ZFHX3: variants seen among roughly 807,000 people sequenced by gnomAD.
The protein encoded by ZFHX3 is zinc finger homeobox protein 3.
A neutral mutation model predicts 279.1 loss-of-function variants in ZFHX3; 42 were observed. The ratio of observed to expected loss-of-function variants is 0.15; its 90% CI spans 0.12 to 0.19. The LOEUF is 0.19. ZFHX3 is among the 10% of genes least tolerant of loss of function. The pLI, the probability that ZFHX3 is intolerant of heterozygous loss-of-function variation, is 1.00. For missense variants in ZFHX3, 4,981 were observed against 4,754.0 expected (o/e 1.05, Z -1.40); for synonymous variants, 2,293 against 1,957.8 (o/e 1.17, Z -4.52).
intron 5 of ZFHX3, among the ~76,000 whole-genome samples, chr16:73,235,379 G>A (rs1378366831): frequency 5.9e-5 from 9 of 152,104 alleles, no homozygotes; most frequent in Admixed American, 3.3e-4. Flanking sequence ...CACCATGCCC[G>A]GCCACTTTTT....
chr16:73,245,126 G>A (rs77093741), intron 5 of ZFHX3, among the ~76,000 whole-genome samples: 13,642 of 152,080 alleles, frequency 0.09, 983 homozygotes, highest in East Asian at 0.44. Context: ...AGAACCTTGC[G>A]CTTACATTTC....
At position 72,904,656 on chromosome 16, in the gene ZFHX3, C is replaced by G. The variant is rs76717981; in HGVS notation, c.3217-14694G>C. The stretch of plus-strand genomic sequence containing the variant: ...CAGTGCCTTTTCTTGCTGGGAAACC[C>G]TCCCAGATAACTCTGACCCATGCTG... On this transcript the variant is annotated intron_variant, in intron 3 of 9. Coordinates refer to ENST00000268489, the MANE Select transcript of ZFHX3 (RefSeq NM_006885.4). Among the ~76,000 whole-genome samples, 362 of 152,192 alleles carry G rather than the reference C, an allele frequency of 2.4e-3. 1 individual carries two copies. The highest frequency in any genetic ancestry group is 8.3e-3 in the African/African-American group (345 of 41,514).
At chr16:73,639,673 A>G (rs560053279) in intron 2 of ZFHX3, among the ~76,000 whole-genome samples, 1 of 152,326 alleles carries the variant, frequency 6.6e-6, no homozygotes, top group South Asian at 2.1e-4. Flanking sequence ...AAAGCCTCAT[A>G]GACTTCCAGT....
chr16:73,162,813 T>A (rs1967269810), intron 5 of ZFHX3, among the ~76,000 whole-genome samples: 1 of 152,150 alleles, frequency 6.6e-6, no homozygotes, highest in Non-Finnish European at 1.5e-5. Context: ...TAAATCTAAA[T>A]GAGAAACAAA....
rs759717414 is a variant in ZFHX3 at position 72,797,269 on chromosome 16, C to T, written c.5413G>A (p.Ala1805Thr). 15 of 1,611,716 alleles carry T rather than the reference C, an allele frequency of 9.3e-6. No individual in the cohort carries two copies. Among genetic ancestry groups the T allele is most frequent in the Non-Finnish European group, 1.3e-5 (15 of 1,178,626 alleles). ...ACCTCGGGGTTAAGCTGGAACTCAGCACTGGGGATGTAGAAAGGGAAGAGG... is the reference window on the plus strand; with the variant it reads ...ACCTCGGGGTTAAGCTGGAACTCAGTACTGGGGATGTAGAAAGGGAAGAGG... ...HLLFPFYIPS[A>T]EFQLNPEVSL... Residue 1805 changes from alanine to threonine, a missense_variant, in exon 9 of 10, where the codon GCT becomes ACT. Ala to Thr is a moderately conservative substitution (Grantham distance 58, BLOSUM62 0). Around this residue, in one of 7 missense-constraint regions of ZFHX3, gnomAD observed 1,751 missense variants for 1,770.0 expected, o/e 0.99. Transcript: ENST00000268489.
chr16:73,124,823 G>C (rs550859674), intron 7 of ZFHX3, among the ~76,000 whole-genome samples: 10 of 152,294 alleles, frequency 6.6e-5, no homozygotes, highest in African/African-American at 2.4e-4. Flanking sequence ...GGGTCAAGAG[G>C]GTTGCTTAAC....
intron 1 of ZFHX3, among the ~76,000 whole-genome samples, chr16:73,879,602 A>G (rs1322958318): frequency 1.3e-5 from 2 of 152,136 alleles, no homozygotes; most frequent in African/African-American, 4.8e-5. Flanking sequence ...GCAAGAAGGG[A>G]CTATCACTGT....
chr16:73,651,406 G>T (rs1349644839), intron 2 of ZFHX3, among the ~76,000 whole-genome samples: 1 of 151,860 alleles, frequency 6.6e-6, no homozygotes. Context: ...CTGTCCACAG[G>T]TTCAGTTTGA....
chr16:73,012,413 A>AT (rs5817824), intron 1 of ZFHX3, among the ~76,000 whole-genome samples: 6 of 152,048 alleles, frequency 3.9e-5, no homozygotes, highest in South Asian at 2.1e-4. Flanking sequence ...TGGAATCACC[A>AT]TTTTTTTTAT....
chr16:73,114,786 G>A (rs1966413077), intron 7 of ZFHX3, among the ~76,000 whole-genome samples: 1 of 152,218 alleles, frequency 6.6e-6, no homozygotes, highest in African/African-American at 2.4e-5. Flanking sequence ...TTGATCACAA[G>A]GGCAACTCAC....
At chr16:73,619,435 C>A (rs917708234) in intron 2 of ZFHX3, among the ~76,000 whole-genome samples, 1 of 150,462 alleles carries the variant, frequency 6.6e-6, no homozygotes, top group African/African-American at 2.5e-5. Flanking sequence ...TGGCAGTGAG[C>A]GGAGATCGTG....
At chr16:73,800,979 C>G (rs1040655219) in intron 1 of ZFHX3, among the ~76,000 whole-genome samples, 2 of 152,142 alleles carry the variant, frequency 1.3e-5, no homozygotes, top group African/African-American at 4.8e-5. Flanking sequence ...AAACGTGAGG[C>G]TCCTCCCTTT....
At chr16:73,188,870 T>C (rs1344292174) in intron 5 of ZFHX3, among the ~76,000 whole-genome samples, 3 of 151,000 alleles carry the variant, frequency 2.0e-5, no homozygotes, top group East Asian at 1.9e-4. Flanking sequence ...CTTTTTCTTT[T>C]TTTTTTTTTT....
rs189693627 is a variant in ZFHX3 at position 73,094,956 on chromosome 16, C to A, written c.-896-1358G>T. ...AACTCCTGACCTCAGGTGATCTGCC[C>A]ACCTCAGCCTCCTAAAGCGTTGGGA... On this transcript the variant is annotated intron_variant, in intron 7 of 17. Coordinates refer to the ZFHX3 transcript ENST00000641206. Among the ~76,000 whole-genome samples the A allele has an allele frequency of 1.8e-3, 276 of 152,254 alleles. 2 individuals carry two copies. Among genetic ancestry groups the A allele is most frequent in the Non-Finnish European group, 2.3e-3 (156 of 68,016 alleles).
chr16:73,112,398 C>T (rs563374494), intron 7 of ZFHX3, among the ~76,000 whole-genome samples: 24 of 151,958 alleles, frequency 1.6e-4, no homozygotes, highest in Admixed American at 5.3e-4. Context: ...GACAACAAAG[C>T]CAGGCAGGAA....
chr16:73,006,312 A>G (rs1198782067), intron 1 of ZFHX3, among the ~76,000 whole-genome samples: 1 of 152,208 alleles, frequency 6.6e-6, no homozygotes, highest in Non-Finnish European at 1.5e-5. Flanking sequence ...TAAGCAGACT[A>G]GGAATAAGGG....
At chr16:73,098,450 CT>C (rs1220421392) in intron 7 of ZFHX3, among the ~76,000 whole-genome samples, 1 of 152,168 alleles carries the variant, frequency 6.6e-6, no homozygotes, top group Non-Finnish European at 1.5e-5. Flanking sequence ...CAACCTCTAC[CT>C]CCTGGGTTCA....
chr16:72,830,681 C>A (rs1448688833), intron 4 of ZFHX3, among the ~76,000 whole-genome samples: 1 of 152,052 alleles, frequency 6.6e-6, no homozygotes, highest in African/African-American at 2.4e-5. Context: ...TGTCGTTCAG[C>A]CAAGTGGGGA....
chr16:73,622,064 G>T (rs1270431033), intron 2 of ZFHX3, among the ~76,000 whole-genome samples: 1 of 151,996 alleles, frequency 6.6e-6, no homozygotes, highest in East Asian at 1.9e-4. Flanking sequence ...TGTATTTCTG[G>T]CTCACCTGAC....
Sources: allele counts gnomAD v4.1 joint callset (sites outside exome capture counted in the v4.1 genomes callset), GRCh38; gene constraint gnomAD v4.1.1; regional missense constraint gnomAD v4.1.1; transcripts MANE v1.5; gene names NCBI Gene and HGNC (gene_info 2026-07-23, HGNC 2026-07-21).